Variants in APP observed in about 807,000 individuals in gnomAD.
APP encodes the protein amyloid beta precursor protein.
In APP, 31 loss-of-function variants were observed where a neutral mutation model predicts 101.4. The observed-to-expected ratio is 0.31, with a 90% confidence interval of 0.23 to 0.41. The LOEUF (loss-of-function observed/expected upper bound fraction) is 0.41, where lower values mean the gene tolerates loss of function less well. APP is among the 10% of genes least tolerant of loss of function. The pLI, the probability that APP is intolerant of heterozygous loss-of-function variation, is 1.00. For synonymous variants in APP, 366 were observed against 364.4 expected (o/e 1.00, Z -0.05); for missense variants, 839 against 1,003.7 (o/e 0.84, Z 2.22).
intron 1 of APP, among the ~76,000 whole-genome samples, chr21:26,112,506 C>T (rs1393930596): frequency 1.3e-5 from 2 of 152,156 alleles, no homozygotes; most frequent in Non-Finnish European, 2.9e-5. Flanking sequence ...TGGAGGCTAC[C>T]GCATTCTTAT....
At chr21:26,077,540 T>A (rs1029971006) in intron 3 of APP, among the ~76,000 whole-genome samples, 11 of 152,322 alleles carry the variant, frequency 7.2e-5, no homozygotes, top group Admixed American at 3.3e-4. Context: ...CAATACTGTA[T>A]CTTTCCCAAA....
intron 13 of APP, among the ~76,000 whole-genome samples, chr21:25,946,973 C>CT (rs1275597827): frequency 6.6e-6 from 1 of 152,174 alleles, no homozygotes; most frequent in Admixed American, 6.5e-5. Flanking sequence ...AAAAAGGAAA[C>CT]TTTTTTTACA....
At chr21:26,030,156 C>G (rs924035621) in intron 5 of APP, among the ~76,000 whole-genome samples, 2 of 152,164 alleles carry the variant, frequency 1.3e-5, no homozygotes, top group African/African-American at 4.8e-5. Context: ...TGATATAAGA[C>G]AAATCCAAGG....
At chr21:25,956,034 T>C (rs1569103938) in intron 11 of APP, among the ~76,000 whole-genome samples, 1 of 152,242 alleles carries the variant, frequency 6.6e-6, no homozygotes, top group Admixed American at 6.5e-5. Context: ...AGGAGTACTC[T>C]GCTATAGAAA....
chr21:25,907,161 T>C (rs1315768889), intron 14 of APP, among the ~76,000 whole-genome samples: 1 of 152,212 alleles, frequency 6.6e-6, no homozygotes, highest in East Asian at 1.9e-4. Context: ...CTTCTATTTT[T>C]TTAAATAGGC....
intron 2 of APP, among the ~76,000 whole-genome samples, chr21:26,110,058 A>C (rs537152398): frequency 1.3e-5 from 2 of 152,352 alleles, no homozygotes; most frequent in South Asian, 4.1e-4. Flanking sequence ...ATTATTTCTA[A>C]CATTGACACT....
intron 13 of APP, among the ~76,000 whole-genome samples, chr21:25,950,135 C>T (rs1196115498): frequency 2.0e-5 from 3 of 152,198 alleles, no homozygotes; most frequent in Non-Finnish European, 2.9e-5. Context: ...CCACCTGCCA[C>T]TGCCACATCT....
intron 1 of APP, among the ~76,000 whole-genome samples, chr21:26,144,316 A>C (rs1016169321): frequency 1.3e-5 from 2 of 152,176 alleles, no homozygotes; most frequent in African/African-American, 4.8e-5. Context: ...CATTTTGTTT[A>C]TACTTCATTT....
chr21:25,917,133 C>A (rs779493989), intron 13 of APP, among the ~76,000 whole-genome samples: 1 of 151,940 alleles, frequency 6.6e-6, no homozygotes, highest in Non-Finnish European at 1.5e-5. Context: ...TGGTGGCGGA[C>A]GCCTGTAATC....
intron 3 of APP, among the ~76,000 whole-genome samples, chr21:26,059,960 G>A (rs1205186222): frequency 6.8e-6 from 1 of 147,106 alleles, no homozygotes; most frequent in African/African-American, 2.5e-5. Flanking sequence ...AACAGTCCAG[G>A]TCACATAGAG....
chr21:25,949,541 C>T (rs181048526), intron 13 of APP, among the ~76,000 whole-genome samples: 2 of 152,260 alleles, frequency 1.3e-5, no homozygotes, highest in Admixed American at 1.3e-4. Flanking sequence ...TACGGAGGAG[C>T]CCACTTCATC....
intron 3 of APP, 45 bp from the exon 4 acceptor site, chr21:26,053,393 A>G (rs2045915497): frequency 1.5e-6 from 2 of 1,354,102 alleles, no homozygotes; most frequent in African/African-American, 1.4e-5. Flanking sequence ...TCTGTATCAC[A>G]GTGTTCTTAC....
intron 3 of APP, among the ~76,000 whole-genome samples, chr21:26,062,233 AC>A (rs1383219193): frequency 3.3e-4 from 28 of 86,052 alleles, no homozygotes; most frequent in African/African-American, 1.9e-3. Flanking sequence ...ACAAACAAAC[AC>A]ACACACACAC....
intron 13 of APP, among the ~76,000 whole-genome samples, chr21:25,932,367 T>C (rs2040184368): frequency 6.6e-6 from 1 of 152,070 alleles, no homozygotes; most frequent in African/African-American, 2.4e-5. Flanking sequence ...CTTATTCACC[T>C]AGAGAACCAC....
intron 13 of APP, among the ~76,000 whole-genome samples, chr21:25,917,288 GAGGATGTATACGAGGCATACT>G (rs903237283): frequency 1.3e-5 from 2 of 149,800 alleles, no homozygotes; most frequent in Admixed American, 6.7e-5. Flanking sequence ...AAAATGCTTT[GAGGATGTATACGAGGCATACT>G]TAGAGTAACA....
At chr21:25,921,083 G>T (rs112000262) in intron 13 of APP, among the ~76,000 whole-genome samples, 1 of 144,752 alleles carries the variant, frequency 6.9e-6, no homozygotes, top group Non-Finnish European at 1.5e-5. Context: ...CTCACTCAAA[G>T]CCGCTCAACT....
intron 16 of APP, among the ~76,000 whole-genome samples, chr21:25,893,586 T>G (rs980115642): frequency 6.6e-6 from 1 of 152,222 alleles, no homozygotes; most frequent in African/African-American, 2.4e-5. Flanking sequence ...CAACATTCTC[T>G]TAGGCCAAAG....
At chr21:26,162,569 C>CTT (rs2063513877) in intron 1 of APP, among the ~76,000 whole-genome samples, 1 of 151,932 alleles carries the variant, frequency 6.6e-6, no homozygotes, top group Admixed American at 6.6e-5. Flanking sequence ...GTCTAAAACA[C>CTT]GTTAAGTCTA....
At chr21:26,164,335 CCT>C (rs1485635588) in intron 1 of APP, among the ~76,000 whole-genome samples, 2 of 152,196 alleles carry the variant, frequency 1.3e-5, no homozygotes, top group African/African-American at 2.4e-5. Context: ...TTTTGGTTTC[CCT>C]GTCCTTGGGT....
Sources: allele counts gnomAD v4.1 joint callset (sites outside exome capture counted in the v4.1 genomes callset), GRCh38; gene constraint gnomAD v4.1.1; transcripts MANE v1.5; gene names NCBI Gene and HGNC (gene_info 2026-07-23, HGNC 2026-07-21).